KAT2B: variants seen among roughly 807,000 people sequenced by gnomAD.
KAT2B encodes the protein lysine acetyltransferase 2B, also known as histone acetyltransferase KAT2B.
A neutral mutation model predicts 105.9 loss-of-function variants in KAT2B; 36 were observed. The ratio of observed to expected loss-of-function variants is 0.34; its 90% CI spans 0.26 to 0.45. KAT2B has a LOEUF of 0.45. Among genes scored for constraint, KAT2B ranks in the 20% least tolerant of loss-of-function variants. The pLI, the probability that KAT2B is intolerant of heterozygous loss-of-function variation, is 1.00. For missense variants in KAT2B, 820 were observed against 1,021.6 expected, an observed-to-expected ratio of 0.80 and a Z score of 2.69; for synonymous variants, 397 against 377.9, an observed-to-expected ratio of 1.05 and a Z score of -0.59.
chr3:20,147,883 T>G, intron 14 of KAT2B, 80 bp from the exon 15 acceptor site: 1 of 1,336,296 alleles, frequency 7.5e-7, no homozygotes, highest in Non-Finnish European at 1.0e-6. Flanking sequence ...TATAATTTCT[T>G]GTTTTTGATA....
In KAT2B at chr3:20,119,682, G is replaced by A. The variant is rs1422076223; in HGVS notation, c.1235G>A (p.Ser412Asn). The A allele has an allele frequency of 1.2e-6, 2 of 1,614,092 alleles. No individual in the cohort carries two copies. The highest frequency in any genetic ancestry group is 2.2e-5 in the South Asian group (2 of 91,086). The stretch of plus-strand genomic sequence containing the variant: ...GAGCAGCCAAACGCAGGGAGCAGCA[G>A]TCCTGCCTGCAAAGCCTCTTCTGGA... The part of the protein sequence containing the change: ...SLEQPNAGSS[S>N]PACKASSGLE... The change falls in exon 8 of 18, where the codon AGT (serine) becomes AAT (asparagine). Residue 412 changes from serine (S) to asparagine (N), a missense_variant. Ser to Asn is a conservative substitution (Grantham distance 46). This residue lies in a region of KAT2B where 225 missense variants were observed against 268.1 expected (regional missense o/e 0.84). Coordinates refer to ENST00000263754, the MANE Select transcript of KAT2B (RefSeq NM_003884.5).
chr3:20,085,536 A>C (rs919604148), intron 2 of KAT2B, among the ~76,000 whole-genome samples: 2 of 145,754 alleles, frequency 1.4e-5, no homozygotes, highest in Admixed American at 7.0e-5. Context: ...TGCAGGGGGC[A>C]GAGTCTTGCT....
intron 2 of KAT2B, among the ~76,000 whole-genome samples, chr3:20,081,079 T>C (rs1327328052): frequency 1.3e-5 from 2 of 152,206 alleles, no homozygotes; most frequent in Non-Finnish European, 2.9e-5. Context: ...TTTTGCACAT[T>C]AGTCAATTTG....
intron 11 of KAT2B, among the ~76,000 whole-genome samples, chr3:20,133,891 T>C (rs1203416383): frequency 6.6e-6 from 1 of 152,240 alleles, no homozygotes; most frequent in Non-Finnish European, 1.5e-5. Context: ...ATATCTCTTA[T>C]ATTTACTGGT....
At chr3:20,113,132 T>G (rs749809955) in intron 6 of KAT2B, among the ~76,000 whole-genome samples, 1 of 152,216 alleles carries the variant, frequency 6.6e-6, no homozygotes, top group Non-Finnish European at 1.5e-5. Flanking sequence ...CTGAAGCACT[T>G]AAACTGCAGT....
intron 13 of KAT2B, among the ~76,000 whole-genome samples, chr3:20,142,986 T>A (rs1699720493): frequency 6.6e-6 from 1 of 151,012 alleles, no homozygotes; most frequent in Admixed American, 6.6e-5. Flanking sequence ...TTAATCTACA[T>A]GTGACAATAC....
intron 6 of KAT2B, among the ~76,000 whole-genome samples, chr3:20,113,159 A>G (rs1393988812): frequency 6.6e-6 from 1 of 152,208 alleles, no homozygotes; most frequent in Admixed American, 6.5e-5. Flanking sequence ...GTTGCTCCCA[A>G]AATGGGTTAT....
intron 1 of KAT2B, among the ~76,000 whole-genome samples, chr3:20,062,344 T>A (rs1219071955): frequency 5.1e-5 from 5 of 97,914 alleles, no homozygotes; most frequent in East Asian, 2.7e-4. Flanking sequence ...TAAAATATAA[T>A]ATATAATATA....
At position 20,135,546 on chromosome 3, in the gene KAT2B, C is replaced by T. The variant is rs188007194; in HGVS notation, c.1750-1396C>T. Among the ~76,000 whole-genome samples the T allele has an allele frequency of 2.8e-3, 428 of 151,770 alleles. 2 individuals carry two copies. The highest frequency in any genetic ancestry group is 9.8e-3 in the African/African-American group (406 of 41,386). ...GCGGGCACCTGTAGTCCCAGTTATTCGGGAGGCTGAGGCAGGAGAATGGTA... is the reference window on the plus strand; with the variant it reads ...GCGGGCACCTGTAGTCCCAGTTATTTGGGAGGCTGAGGCAGGAGAATGGTA... On this transcript the variant is annotated intron_variant, in intron 11 of 17. Coordinates refer to ENST00000263754, the MANE Select transcript of KAT2B (RefSeq NM_003884.5).
intron 2 of KAT2B, among the ~76,000 whole-genome samples, chr3:20,081,532 T>G (rs1381740794): frequency 6.6e-6 from 1 of 152,090 alleles, no homozygotes; most frequent in African/African-American, 2.4e-5. Context: ...GTCCCCTCAC[T>G]TGCACCTTCT....
At chr3:20,143,443 A>G (rs1699728032) in intron 13 of KAT2B, among the ~76,000 whole-genome samples, 1 of 152,204 alleles carries the variant, frequency 6.6e-6, no homozygotes. Flanking sequence ...GGGAATGCAA[A>G]TTAGTTCAGC....
intron 16 of KAT2B, 25 bp downstream of exon 16, chr3:20,148,331 A>T: frequency 6.2e-7 from 1 of 1,611,264 alleles, no homozygotes; most frequent in East Asian, 2.2e-5. Flanking sequence ...TATTCACCTC[A>T]TGCAAATATT....
chr3:20,125,589 C>T (rs917668193), intron 9 of KAT2B, among the ~76,000 whole-genome samples: 2 of 152,198 alleles, frequency 1.3e-5, no homozygotes, highest in Non-Finnish European at 2.9e-5. Context: ...CCTTATGGCT[C>T]ACAACGTCTA....
intron 1 of KAT2B, among the ~76,000 whole-genome samples, chr3:20,046,166 T>G (rs1559508951): frequency 6.6e-6 from 1 of 152,222 alleles, no homozygotes; most frequent in Non-Finnish European, 1.5e-5. Context: ...GCCTGGTGCT[T>G]TACTCGTATA....
intron 13 of KAT2B, among the ~76,000 whole-genome samples, chr3:20,142,798 G>T (rs1699715670): frequency 7.2e-6 from 1 of 139,606 alleles, no homozygotes; most frequent in Admixed American, 6.9e-5. Flanking sequence ...ACATGAACAG[G>T]TAGGACCATT....
At chr3:20,074,516 C>T (rs1464304316) in intron 2 of KAT2B, among the ~76,000 whole-genome samples, 1 of 152,120 alleles carries the variant, frequency 6.6e-6, no homozygotes, top group Non-Finnish European at 1.5e-5. Context: ...TAGTACCTGG[C>T]ATGTAAATAC....
At chr3:20,147,766 C>T (rs1699803686) in intron 14 of KAT2B, among the ~76,000 whole-genome samples, 197 bp from the exon 15 acceptor site, 1 of 152,144 alleles carries the variant, frequency 6.6e-6, no homozygotes, top group African/African-American at 2.4e-5. Context: ...ACATATGGGG[C>T]AGCGTTGTTA....
intron 10 of KAT2B, among the ~76,000 whole-genome samples, chr3:20,126,699 G>C (rs942374402): frequency 6.6e-6 from 1 of 151,312 alleles, no homozygotes; most frequent in African/African-American, 2.4e-5. Context: ...ACACATGCCT[G>C]TAATCACGGC....
intron 8 of KAT2B, among the ~76,000 whole-genome samples, chr3:20,122,164 C>A (rs532589688): frequency 1.3e-5 from 2 of 152,188 alleles, no homozygotes; most frequent in South Asian, 4.1e-4. Flanking sequence ...GATATCCATA[C>A]AACATGATCT....
Sources: gnomAD v4.1 joint callset for allele counts (sites outside exome capture counted in the v4.1 genomes callset) on GRCh38, gnomAD v4.1.1 for gene constraint, gnomAD v4.1.1 regional missense constraint, MANE v1.5 for transcripts, NCBI Gene and HGNC (gene_info 2026-07-23, HGNC 2026-07-21) for gene names.